The following ZC3H8 variants were observed in gnomAD, a reference collection of about 807,000 sequenced individuals.
ZC3H8 encodes zinc finger CCCH domain-containing protein 8.
ZC3H8 carries 27 observed loss-of-function variants against 42.5 expected under a neutral mutation model. That is an observed-to-expected ratio of 0.64 (90% CI 0.47 to 0.88). The LOEUF is 0.88. ZC3H8 is among the 40% of genes least tolerant of loss of function. The pLI is 0.00. For missense variants in ZC3H8, 277 were observed against 336.1 expected, an observed-to-expected ratio of 0.82 and a Z score of 1.37; for synonymous variants, 101 against 110.1, an observed-to-expected ratio of 0.92 and a Z score of 0.52.
Position 112,213,196 on chromosome 2 carries a change from C to T in ZC3H8, c.*3288G>A, listed in dbSNP as rs946607692. 5 of 152,064 alleles carry T rather than the reference C, an allele frequency of 3.3e-5. No homozygotes were observed. The highest frequency in any genetic ancestry group is 3.3e-4 in the Admixed American group (5 of 15,254). 9.4% of individuals were successfully genotyped at this position (152,064 alleles called of 1,614,324 possible). On this transcript the variant is annotated 3_prime_UTR_variant, in exon 9 of 9. Transcript: ENST00000409573. Reference sequence around the variant, plus strand: ...TGTTGCCAAGGCTGGTCTCAAACTCCTGAACTCAAGTGATCCTCCTGCCTT... The same window carrying T: ...TGTTGCCAAGGCTGGTCTCAAACTCTTGAACTCAAGTGATCCTCCTGCCTT...
intron 8 of ZC3H8, among the ~76,000 whole-genome samples, chr2:112,223,364 G>GAAAC (rs1190378644): frequency 6.6e-6 from 1 of 151,700 alleles, no homozygotes; most frequent in Non-Finnish European, 1.5e-5. Flanking sequence ...CAAATTTCTA[G>GAAAC]AAACACACAA....
chr2:112,233,229 T>A, intron 6 of ZC3H8, 31 bp downstream of exon 6: 2 of 1,422,936 alleles, frequency 1.4e-6, no homozygotes, highest in Non-Finnish European at 1.9e-6. Flanking sequence ...TAAATATTTA[T>A]AAAGTCACCA....
At chr2:112,231,347 G>A (rs183298336) in intron 7 of ZC3H8, among the ~76,000 whole-genome samples, 2 of 152,232 alleles carry the variant, frequency 1.3e-5, no homozygotes, top group Admixed American at 1.3e-4. Context: ...TAAGAGACTA[G>A]CTCCAACTAA....
Position 112,215,811 on chromosome 2 carries a change from G to C in ZC3H8, c.*673C>G, listed in dbSNP as rs895714790. The C allele has an allele frequency of 6.6e-6, 1 of 152,056 alleles. No homozygotes were observed. Among genetic ancestry groups the C allele is most frequent in the African/African-American group, 2.4e-5 (1 of 41,404 alleles). The allele number at this position is 152,056 out of a possible 1,614,324, so 9.4% of individuals were successfully genotyped here. A position where few individuals can be genotyped will look rare whatever the true frequency, so the allele number is the denominator to read the frequency against. On this transcript the variant is annotated 3_prime_UTR_variant, in exon 9 of 9. Coordinates refer to ENST00000409573, the MANE Select transcript of ZC3H8 (RefSeq NM_032494.3). ...CTGACTACAGTTTATAAACCAATGAGAAAGATAAATATTCTTATATTTTAA... is the reference window on the plus strand; with the variant it reads ...CTGACTACAGTTTATAAACCAATGACAAAGATAAATATTCTTATATTTTAA...
intron 2 of ZC3H8, among the ~76,000 whole-genome samples, chr2:112,239,361 T>A (rs1685483981): frequency 6.6e-6 from 1 of 152,184 alleles, no homozygotes; most frequent in African/African-American, 2.4e-5. Flanking sequence ...TTTTAAAAAA[T>A]GACCAAGTAT....
chr2:112,233,371 C>T lies in ZC3H8; in HGVS notation c.622G>A (p.Gly208Arg), dbSNP rs1227518219. The T allele has an allele frequency of 6.4e-7, 1 of 1,568,162 alleles. No individual in the cohort carries two copies. Residue 208 changes from glycine (G) to arginine (R), a missense_variant and splice_region_variant, in exon 6 of 9, where the codon GGA (glycine) becomes AGA (arginine). Coordinates refer to ENST00000409573, the MANE Select transcript of ZC3H8 (RefSeq NM_032494.3). ...TCATGATCAAATTTACACTGGTCTC[C>T]CTAGGCCAAAAGAAGGAGCAAGGAA... The part of the protein sequence containing the change: ...KYFLERKCIK[G>R]DQCKFDHDAE...
intron 8 of ZC3H8, among the ~76,000 whole-genome samples, chr2:112,221,411 G>C (rs1684580349): frequency 6.6e-6 from 1 of 152,168 alleles, no homozygotes; most frequent in African/African-American, 2.4e-5. Context: ...TGCCATGTCT[G>C]TAAGTAAGTT....
chr2:112,236,418 T>C (rs1394083085), intron 4 of ZC3H8, 144 bp downstream of exon 4: 1 of 1,076,208 alleles, frequency 9.3e-7, no homozygotes, highest in Non-Finnish European at 1.3e-6. Context: ...CCAGTGACAG[T>C]AAAAGGACAT....
At chr2:112,219,625 G>A (rs906261412) in intron 8 of ZC3H8, among the ~76,000 whole-genome samples, 2 of 152,076 alleles carry the variant, frequency 1.3e-5, no homozygotes, top group African/African-American at 2.4e-5. Context: ...TTGCACAGTG[G>A]TCTGATGAGA....
At position 112,232,048 on chromosome 2, in the gene ZC3H8, G is replaced by A. The variant is rs1048944618; in HGVS notation, c.734-101C>T. ...CCTAAATAAAGACCTCTGTGGCCGG[G>A]CGAGGTGGCTCATGCCTGTAGGAGG... On this transcript the variant is annotated intron_variant, in intron 6 of 8. Coordinates refer to ENST00000409573, the MANE Select transcript of ZC3H8 (RefSeq NM_032494.3). 10 of 622,648 alleles carry A rather than the reference G, an allele frequency of 1.6e-5. No individual in the cohort carries two copies. The African/African-American group carries it at 1.9e-4, about 12-fold the overall frequency. The allele number at this position is 622,648 out of a possible 1,614,324, so 38.6% of individuals were successfully genotyped here. A position where few individuals can be genotyped will look rare whatever the true frequency, so the allele number is the denominator to read the frequency against.
intron 2 of ZC3H8, among the ~76,000 whole-genome samples, chr2:112,242,339 T>C (rs1426596436): frequency 6.6e-6 from 1 of 152,234 alleles, no homozygotes; most frequent in Non-Finnish European, 1.5e-5. Context: ...TCAGAGTCCA[T>C]AAATACAATT....
intron 2 of ZC3H8, among the ~76,000 whole-genome samples, chr2:112,245,983 G>A (rs1479319634): frequency 6.6e-6 from 1 of 152,160 alleles, no homozygotes; most frequent in Non-Finnish European, 1.5e-5. Context: ...TAATGCAGCT[G>A]GTGACTTTAA....
intron 8 of ZC3H8, among the ~76,000 whole-genome samples, chr2:112,222,659 A>G (rs557410092): frequency 2.1e-3 from 324 of 152,330 alleles, no homozygotes; most frequent in African/African-American, 7.4e-3. Flanking sequence ...GATTTCACTT[A>G]TATGAGATAA....
At position 112,211,844 on chromosome 2, in the gene ZC3H8, C is replaced by A. The variant is rs150470860; in HGVS notation, c.*4640G>T. The A allele has an allele frequency of 6.6e-6, 1 of 152,190 alleles. No individual in the cohort carries two copies. The highest frequency in any genetic ancestry group is 2.4e-5 in the African/African-American group (1 of 41,512). 9.4% of individuals were successfully genotyped at this position (152,190 alleles called of 1,614,324 possible). On this transcript the variant is annotated 3_prime_UTR_variant, in exon 9 of 9. Coordinates refer to ENST00000409573, the MANE Select transcript of ZC3H8 (RefSeq NM_032494.3). Reference sequence around the variant, plus strand: ...GTGTTACAAATTTCACAGGAATCAACAGCACTTTTAAGATGAGTTGGGCAT... The same window carrying A: ...GTGTTACAAATTTCACAGGAATCAAAAGCACTTTTAAGATGAGTTGGGCAT...
chr2:112,253,151 C>A (rs998170618), intron 1 of ZC3H8, among the ~76,000 whole-genome samples: 9 of 151,596 alleles, frequency 5.9e-5, no homozygotes, highest in Non-Finnish European at 8.8e-5. Flanking sequence ...AAAAAAAAAA[C>A]CCACAAAACT....
intron 8 of ZC3H8, among the ~76,000 whole-genome samples, chr2:112,219,422 C>A (rs967444855): frequency 3.9e-5 from 6 of 152,132 alleles, no homozygotes; most frequent in Non-Finnish European, 8.8e-5. Flanking sequence ...ACAACATACA[C>A]AAATTAGCAC....
rs190482060 is a variant in ZC3H8, at chr2:112,238,692, C to A, written c.157-164G>T. The A allele has an allele frequency of 5.8e-4, 272 of 469,912 alleles. No homozygotes were observed. The South Asian group carries it at 9.3e-3, about 16-fold the overall frequency. 29.1% of individuals were successfully genotyped at this position (469,912 alleles called of 1,614,324 possible). ...TCTCCACTCATATATTTGAAAATTT[C>A]CAGAATTAAAAAAAAGAAAAAATTT... On this transcript the variant is annotated intron_variant, in intron 2 of 8. Coordinates refer to ENST00000409573, the MANE Select transcript of ZC3H8 (RefSeq NM_032494.3).
intron 8 of ZC3H8, among the ~76,000 whole-genome samples, chr2:112,223,019 G>T (rs1437837658): frequency 6.6e-6 from 1 of 151,786 alleles, no homozygotes; most frequent in African/African-American, 2.4e-5. Flanking sequence ...AGAAATGAGT[G>T]TTGACTGCAT....
chr2:112,244,335 C>T (rs533234191), intron 2 of ZC3H8, among the ~76,000 whole-genome samples: 2 of 152,086 alleles, frequency 1.3e-5, no homozygotes, highest in African/African-American at 2.4e-5. Flanking sequence ...GAAATGTTAA[C>T]AAGAACTCAA....
Sources: allele counts gnomAD v4.1 joint callset (sites outside exome capture counted in the v4.1 genomes callset), GRCh38; gene constraint gnomAD v4.1.1; transcripts MANE v1.5; gene names NCBI Gene and HGNC (gene_info 2026-07-23, HGNC 2026-07-21).